DDX31: variants seen among roughly 807,000 people sequenced by gnomAD.
DDX31 encodes the protein ATP-dependent DNA helicase DDX31.
Under a neutral mutation model 91.3 loss-of-function variants are expected in DDX31, and 70 were observed. The ratio of observed to expected loss-of-function variants is 0.77; its 90% CI spans 0.63 to 0.94. DDX31 has a LOEUF of 0.94. Among genes scored for constraint, DDX31 ranks in the 40% least tolerant of loss-of-function variants. DDX31 has a pLI of 0.00. For synonymous variants in DDX31, 362 were observed against 350.6 expected (o/e 1.03, Z -0.36); for missense variants, 902 against 925.0 (o/e 0.98, Z 0.32).
chr9:132,629,802 A>C (rs1832613590), intron 16 of DDX31, among the ~76,000 whole-genome samples: 1 of 152,204 alleles, frequency 6.6e-6, no homozygotes, highest in Non-Finnish European at 1.5e-5. Context: ...CTGTGAGTGT[A>C]GTGTGGATTT....
intron 19 of DDX31, among the ~76,000 whole-genome samples, chr9:132,605,580 G>A (rs1231549290): frequency 6.6e-6 from 1 of 152,144 alleles, no homozygotes; most frequent in East Asian, 1.9e-4. Flanking sequence ...TTTCGAGGAG[G>A]GGCAGACGCT....
In DDX31 at chr9:132,647,015, A is replaced by T; in HGVS notation, c.1011T>A (p.Ser337Arg). 6.2e-7 allele frequency: 1 copy of T among 1,614,188 alleles called. No homozygotes were observed. Among genetic ancestry groups the T allele is most frequent in the Non-Finnish European group, 8.5e-7 (1 of 1,180,034 alleles). Residue 337 changes from serine (S) to arginine (R), a missense_variant, in exon 12 of 20, where the codon AGT (serine) becomes AGA (arginine). Ser to Arg is a moderately radical substitution (Grantham distance 110). Transcript: ENST00000372159. ...CATGGCTCTTGTCCAGGACAGAAATACTGACTGGATCATGCAAACTGATAT... is the reference window on the plus strand; with the variant it reads ...CATGGCTCTTGTCCAGGACAGAAATTCTGACTGGATCATGCAAACTGATAT... The part of the protein sequence containing the change: ...LADISLHDPV[S>R]ISVLDKSHDQ...
rs1830347207 is a variant in DDX31 at position 132,594,734 on chromosome 9, CCT to C, written c.*130_*131del. 7 of 1,428,346 alleles carry C rather than the reference CCT, an allele frequency of 4.9e-6. No homozygotes were observed. The highest frequency in any genetic ancestry group is 1.4e-5 in the South Asian group (1 of 72,358). 88.5% of individuals were successfully genotyped at this position (1,428,346 alleles called of 1,614,324 possible). ...CCCATGGAGGAGAAGGGCTGTGGCC[CCT>C]CTGATTCTTGGGGACGTGGTATTCA... On this transcript the variant is annotated 3_prime_UTR_variant, in exon 20 of 20. Transcript: ENST00000372159.
At position 132,663,040 on chromosome 9, in the gene DDX31, A is replaced by T. The variant is rs150569224; in HGVS notation, c.76-345T>A. On this transcript the variant is annotated intron_variant, in intron 1 of 19. Coordinates refer to ENST00000372159, the MANE Select transcript of DDX31 (RefSeq NM_022779.9). Reference sequence around the variant, plus strand: ...TCTGTTTTAAGGGAAGCAAGAATCCACCTTGTGAAGGGTGTGTCAATCCAT... The same window carrying T: ...TCTGTTTTAAGGGAAGCAAGAATCCTCCTTGTGAAGGGTGTGTCAATCCAT... Among the ~76,000 whole-genome samples the T allele has an allele frequency of 4.2e-3, 646 of 152,214 alleles. 9 individuals are homozygous for T. The highest frequency in any genetic ancestry group is 0.014 in the African/African-American group (592 of 41,522).
In DDX31 at chr9:132,594,723, G is replaced by A; in HGVS notation, c.*143C>T. 2.2e-6 allele frequency: 3 copies of A among 1,367,080 alleles called. No homozygotes were observed. The highest frequency in any genetic ancestry group is 3.0e-6 in the Non-Finnish European group (3 of 1,005,268). The allele number at this position is 1,367,080 out of a possible 1,614,324, so 84.7% of individuals were successfully genotyped here. On this transcript the variant is annotated 3_prime_UTR_variant, in exon 20 of 20. Coordinates refer to ENST00000372159, the MANE Select transcript of DDX31 (RefSeq NM_022779.9). ...CTCCAGGGCCTCCCATGGAGGAGAA[G>A]GGCTGTGGCCCCTCTGATTCTTGGG...
At chr9:132,616,687 G>C (rs1239344331) in intron 18 of DDX31, among the ~76,000 whole-genome samples, 1 of 152,172 alleles carries the variant, frequency 6.6e-6, no homozygotes, top group East Asian at 1.9e-4. Context: ...CCTCTTGAGA[G>C]ACACAGAGCA....
chr9:132,669,925 C>T lies in DDX31; in HGVS notation c.10G>A (p.Ala4Thr), dbSNP rs746959972. 3.9e-5 allele frequency: 62 copies of T among 1,593,478 alleles called. No individual in the cohort carries two copies. Among genetic ancestry groups the T allele is most frequent in the Non-Finnish European group, 5.1e-5 (60 of 1,171,122 alleles). The change falls in exon 1 of 20, where the codon GCC becomes ACC. Residue 4 changes from alanine to threonine, a missense_variant. Physicochemically the swap from Ala to Thr is moderately conservative, Grantham distance 58. Transcript: ENST00000372159. The part of the protein sequence containing the change: MAA[A>T]DGSLFDNPRT... ...GGGTTGTCGAAGAGCGAACCGTCGGCGGCTGCCATGGTCTGCGTGGGTGAC... is the reference window on the plus strand; with the variant it reads ...GGGTTGTCGAAGAGCGAACCGTCGGTGGCTGCCATGGTCTGCGTGGGTGAC...
intron 14 of DDX31, among the ~76,000 whole-genome samples, chr9:132,636,379 T>C (rs1287297790): frequency 6.6e-6 from 1 of 152,274 alleles, no homozygotes; most frequent in African/African-American, 2.4e-5. Flanking sequence ...TGTGAAGAAC[T>C]GATTTCTTGT....
Position 132,659,740 on chromosome 9 carries a change from C to T in DDX31, c.493G>A (p.Asp165Asn). The change falls in exon 5 of 20, where the codon GAT becomes AAT. Residue 165 changes from aspartate to asparagine, a missense_variant. Physicochemically the swap from Asp to Asn is conservative, Grantham distance 23 (BLOSUM62 1). Coordinates refer to ENST00000372159, the MANE Select transcript of DDX31 (RefSeq NM_022779.9). Reference sequence around the variant, plus strand: ...CCCGTCTGGGATCTCACGAGAGCATCTCTGCCTTCCAGCAACACAGGAATA... The same window carrying T: ...CCCGTCTGGGATCTCACGAGAGCATTTCTGCCTTCCAGCAACACAGGAATA... Reference protein sequence around the residue: ...QSIPVLLEGRDALVRSQTGSG... With the variant: ...QSIPVLLEGRNALVRSQTGSG... The T allele has an allele frequency of 6.2e-7, 1 of 1,612,804 alleles. No individual in the cohort carries two copies. Among genetic ancestry groups the T allele is most frequent in the East Asian group, 2.2e-5 (1 of 44,862 alleles).
At chr9:132,646,616 A>T (rs1043631249) in intron 12 of DDX31, among the ~76,000 whole-genome samples, 1 of 152,210 alleles carries the variant, frequency 6.6e-6, no homozygotes, top group African/African-American at 2.4e-5. Context: ...TTCAAGCTGA[A>T]CATCATGGCT....
At chr9:132,661,166 C>A in intron 4 of DDX31, 42 bp downstream of exon 4, 2 of 1,571,096 alleles carry the variant, frequency 1.3e-6, no homozygotes, top group Non-Finnish European at 8.7e-7. Context: ...CGGTTATACC[C>A]ACGTAATGCC....
At chr9:132,623,565 A>AG (rs1323060594) in intron 17 of DDX31, among the ~76,000 whole-genome samples, 123 of 150,798 alleles carry the variant, frequency 8.2e-4, no homozygotes, top group African/African-American at 2.9e-3. Context: ...AAAAAAAAAA[A>AG]AAAGAAAAAA....
intron 19 of DDX31, among the ~76,000 whole-genome samples, chr9:132,597,182 C>T (rs557003538): frequency 2.1e-4 from 32 of 152,316 alleles, no homozygotes; most frequent in Admixed American, 5.9e-4. Context: ...AGAGCATCCA[C>T]CACTTCCCTA....
At chr9:132,600,382 G>T (rs886636349) in intron 19 of DDX31, among the ~76,000 whole-genome samples, 4 of 152,188 alleles carry the variant, frequency 2.6e-5, no homozygotes, top group Admixed American at 2.0e-4. Context: ...GGGAATCATG[G>T]GAATCACAGC....
In DDX31 at chr9:132,636,271, G is replaced by A. The variant is rs371088936; in HGVS notation, c.1441-4180C>T. On this transcript the variant is annotated intron_variant, in intron 14 of 19. Coordinates refer to ENST00000372159, the MANE Select transcript of DDX31 (RefSeq NM_022779.9). ...TGATGCCTTTGAGAACACAATTTAGGATGTTCTCTATCTAAAGGGGAGCGG... is the reference window on the plus strand; with the variant it reads ...TGATGCCTTTGAGAACACAATTTAGAATGTTCTCTATCTAAAGGGGAGCGG... Among the ~76,000 whole-genome samples the A allele has an allele frequency of 1.2e-4, 18 of 152,338 alleles. No homozygotes were observed. The East Asian group carries it at 3.1e-3, about 26-fold the overall frequency.
Position 132,661,212 on chromosome 9 carries a change from T to C in DDX31, c.448A>G (p.Thr150Ala), listed in dbSNP as rs1188087748. 1 of 1,610,490 alleles carries C rather than the reference T, an allele frequency of 6.2e-7. No homozygotes were observed. Among genetic ancestry groups the C allele is most frequent in the African/African-American group, 1.3e-5 (1 of 74,754 alleles). Residue 150 changes from threonine to alanine, a missense_variant, in exon 4 of 20, where the codon ACC becomes GCC. Transcript: ENST00000372159. ...AGAGGAGCCTGAAGTTCTTACCTGG[T>C]CATACTAGACATTTTTAAGACCGTA... ...INTVLKMSSM[T>A]SVQKQSIPVL...
intron 14 of DDX31, among the ~76,000 whole-genome samples, chr9:132,632,440 T>G (rs1241740972): frequency 6.6e-6 from 1 of 152,148 alleles, no homozygotes; most frequent in Non-Finnish European, 1.5e-5. Flanking sequence ...CAGGTTAGCC[T>G]AGGAACTTAA....
chr9:132,662,539 T>C lies in DDX31; in HGVS notation c.232A>G (p.Lys78Glu), dbSNP rs758288386. The C allele has an allele frequency of 1.2e-6, 2 of 1,614,224 alleles. No homozygotes were observed. ...GNAQKMFSPKKHSVSTSDRNQ... is the reference protein window; with the variant it reads ...GNAQKMFSPKEHSVSTSDRNQ... ...CTATCACTTGTGCTAACCGAATGCTTCTTTGGAGAAAACATTTTTTGTGCG... is the reference window on the plus strand; with the variant it reads ...CTATCACTTGTGCTAACCGAATGCTCCTTTGGAGAAAACATTTTTTGTGCG... Residue 78 changes from lysine (K) to glutamate (E), a missense_variant, in exon 2 of 20, where the codon AAG becomes GAG. Transcript: ENST00000372159.
At chr9:132,643,551 C>T (rs560130934) in intron 13 of DDX31, among the ~76,000 whole-genome samples, 2 of 152,316 alleles carry the variant, frequency 1.3e-5, no homozygotes, top group South Asian at 4.1e-4. Flanking sequence ...ATCGAGTGCC[C>T]ACCATGTACC....
Sources: gnomAD v4.1 joint callset for allele counts (sites outside exome capture counted in the v4.1 genomes callset) on GRCh38, gnomAD v4.1.1 for gene constraint, MANE v1.5 for transcripts, NCBI Gene and HGNC (gene_info 2026-07-23, HGNC 2026-07-21) for gene names.